NYAP2: variants seen among roughly 807,000 people sequenced by gnomAD.
NYAP2 encodes neuronal tyrosine-phosphorylated phosphoinositide-3-kinase adaptor 2, also known as neuronal tyrosine-phosphorylated phosphoinositide-3-kinase adapter 2.
A neutral mutation model predicts 50.4 loss-of-function variants in NYAP2; 23 were observed. The observed-to-expected ratio is 0.46, with a 90% CI of 0.33 to 0.65. NYAP2 has a LOEUF of 0.65. NYAP2 is among the 30% of genes least tolerant of loss of function. NYAP2 has a pLI of 0.02. For synonymous variants in NYAP2, 394 were observed against 365.2 expected (o/e 1.08, Z -0.90); for missense variants, 885 against 861.0 (o/e 1.03, Z -0.35).
chr2:225,666,367 G>A, the NYAP2 span, among the ~76,000 whole-genome samples: 1 of 152,158 alleles, frequency 6.6e-6, no homozygotes, highest in Non-Finnish European at 1.5e-5. Context: ...CCAAATATGA[G>A]TGACCATGAC....
At chr2:225,570,289 A>T (rs1442027312) in intron 4 of NYAP2, among the ~76,000 whole-genome samples, 1 of 152,208 alleles carries the variant, frequency 6.6e-6, no homozygotes. Context: ...CCCTCTCATC[A>T]GATGTCTAGA....
At position 225,425,419 on chromosome 2, in the gene NYAP2, G is replaced by A. The variant is rs190066104; in HGVS notation, c.221+16318G>A. Among the ~76,000 whole-genome samples, 256 of 152,316 alleles carry A rather than the reference G, an allele frequency of 1.7e-3. 1 individual carries two copies. The highest frequency in any genetic ancestry group is 5.9e-3 in the African/African-American group (246 of 41,576). ...GTAAGGGCACTCTGGTTATTAAATT[G>A]AGGTCTCATGTTAGAGGCCATTAAG... On this transcript the variant is annotated intron_variant, in intron 3 of 6. Transcript: ENST00000636099.
intron 3 of NYAP2, among the ~76,000 whole-genome samples, chr2:225,413,754 G>C (rs1361609557): frequency 6.6e-6 from 1 of 152,074 alleles, no homozygotes; most frequent in Non-Finnish European, 1.5e-5. Flanking sequence ...ATTCAATGAG[G>C]CTTTAATAAA....
At chr2:225,579,875 A>G (rs1350444225) in intron 4 of NYAP2, among the ~76,000 whole-genome samples, 1 of 152,232 alleles carries the variant, frequency 6.6e-6, no homozygotes, top group East Asian at 1.9e-4. Flanking sequence ...AAAGCAAATT[A>G]TAATTTAAGA....
chr2:225,599,559 T>G (rs914933256), intron 5 of NYAP2, among the ~76,000 whole-genome samples: 4 of 152,200 alleles, frequency 2.6e-5, no homozygotes, highest in African/African-American at 9.7e-5. Flanking sequence ...CCCTCTAAAG[T>G]GCAGCCACAG....
At chr2:225,473,723 G>T (rs1318206137) in intron 3 of NYAP2, among the ~76,000 whole-genome samples, 1 of 152,184 alleles carries the variant, frequency 6.6e-6, no homozygotes, top group Non-Finnish European at 1.5e-5. Flanking sequence ...TTTGTCAGAT[G>T]AGTAGATTGC....
chr2:225,626,193 T>G (rs1693208033), intron 5 of NYAP2, among the ~76,000 whole-genome samples: 1 of 152,130 alleles, frequency 6.6e-6, no homozygotes, highest in Non-Finnish European at 1.5e-5. Context: ...GATAAATGAA[T>G]GTAAAGATAA....
intron 3 of NYAP2, among the ~76,000 whole-genome samples, chr2:225,464,126 G>A (rs906134664): frequency 5.9e-5 from 9 of 152,130 alleles, no homozygotes; most frequent in Non-Finnish European, 1.2e-4. Flanking sequence ...TAGGTGTGTG[G>A]TGAACAGTAG....
intron 4 of NYAP2, among the ~76,000 whole-genome samples, chr2:225,578,139 G>A (rs1559219672): frequency 6.6e-6 from 1 of 151,852 alleles, no homozygotes; most frequent in Non-Finnish European, 1.5e-5. Context: ...CACCATGTTG[G>A]CCAGGCTGGT....
chr2:225,627,652 A>G (rs927357351), intron 6 of NYAP2, among the ~76,000 whole-genome samples: 3 of 152,248 alleles, frequency 2.0e-5, no homozygotes, highest in Non-Finnish European at 4.4e-5. Flanking sequence ...CTAAATTCCC[A>G]AATCTAAGTC....
At chr2:225,506,943 G>GGTTTGCAAA (rs1690718242) in intron 3 of NYAP2, among the ~76,000 whole-genome samples, 1 of 151,936 alleles carries the variant, frequency 6.6e-6, no homozygotes, top group Admixed American at 6.6e-5. Context: ...AATCCCAAAT[G>GGTTTGCAAA]GTTTGCAAAG....
At chr2:225,591,810 G>A (rs1692510605) in intron 5 of NYAP2, among the ~76,000 whole-genome samples, 1 of 152,190 alleles carries the variant, frequency 6.6e-6, no homozygotes, top group Non-Finnish European at 1.5e-5. Flanking sequence ...AAGGGCTCAT[G>A]ACGTTATTCT....
At chr2:225,459,705 G>T (rs764483302) in intron 3 of NYAP2, among the ~76,000 whole-genome samples, 1 of 151,812 alleles carries the variant, frequency 6.6e-6, no homozygotes, top group Admixed American at 6.6e-5. Context: ...GTGCAGTGAC[G>T]TGATCTCAGC....
intron 3 of NYAP2, among the ~76,000 whole-genome samples, chr2:225,425,706 G>A (rs1293137688): frequency 6.6e-6 from 1 of 152,140 alleles, no homozygotes; most frequent in Non-Finnish European, 1.5e-5. Flanking sequence ...GAGAATAATC[G>A]AAGAGAAATA....
chr2:225,545,678 G>C (rs1486722504), intron 4 of NYAP2, among the ~76,000 whole-genome samples: 1 of 151,974 alleles, frequency 6.6e-6, no homozygotes, highest in Non-Finnish European at 1.5e-5. Context: ...GTTTCTCCAG[G>C]ATTAGTCTCT....
chr2:225,427,084 G>A (rs1037635450), intron 3 of NYAP2, among the ~76,000 whole-genome samples: 1 of 152,196 alleles, frequency 6.6e-6, no homozygotes, highest in Non-Finnish European at 1.5e-5. Flanking sequence ...GAATCTTTGT[G>A]TAAGAAAAAT....
chr2:225,573,338 G>C (rs370528602), intron 4 of NYAP2, among the ~76,000 whole-genome samples: 2 of 146,730 alleles, frequency 1.4e-5, no homozygotes, highest in East Asian at 4.0e-4. Context: ...TGTAACTTCT[G>C]CCTCCATGGT....
intron 2 of NYAP2, among the ~76,000 whole-genome samples, chr2:225,405,607 T>C (rs1694927305): frequency 6.6e-6 from 1 of 151,956 alleles, no homozygotes; most frequent in Admixed American, 6.6e-5. Context: ...GCTGTTGTAA[T>C]GAAGTAGACA....
chr2:225,481,770 G>T (rs932472740), intron 3 of NYAP2, among the ~76,000 whole-genome samples: 2 of 152,062 alleles, frequency 1.3e-5, no homozygotes, highest in South Asian at 4.1e-4. Flanking sequence ...GGGAGGCAAG[G>T]TTCCACCCCC....
Sources: gnomAD v4.1 joint callset for allele counts (sites outside exome capture counted in the v4.1 genomes callset) on GRCh38, gnomAD v4.1.1 for gene constraint, MANE v1.5 for transcripts, NCBI Gene and HGNC (gene_info 2026-07-23, HGNC 2026-07-21) for gene names.